FIG4: variants seen among roughly 807,000 people sequenced by gnomAD.
FIG4 encodes FIG4 phosphoinositide 5-phosphatase.
FIG4 carries 112 observed loss-of-function variants against 118.6 expected under a neutral mutation model. The ratio of observed to expected loss-of-function variants is 0.94; its 90% CI spans 0.81 to 1.11. The LOEUF is 1.11. Among genes scored for constraint, FIG4 ranks in the 50% least tolerant of loss-of-function variants. The pLI, the probability that FIG4 is intolerant of heterozygous loss-of-function variation, is 0.00. For missense variants in FIG4, 969 were observed against 1,111.7 expected, an observed-to-expected ratio of 0.87 and a Z score of 1.83; for synonymous variants, 369 against 381.2, an observed-to-expected ratio of 0.97 and a Z score of 0.37.
chr6:109,804,534 G>A (rs1163423488), intron 22 of FIG4, among the ~76,000 whole-genome samples: 2 of 152,118 alleles, frequency 1.3e-5, no homozygotes, highest in Non-Finnish European at 2.9e-5. Context: ...ACTGCCCTTT[G>A]CATGTTACTC....
In FIG4 at chr6:109,802,017, G is replaced by A. The variant is rs576143815; in HGVS notation, c.2546+5166G>A. Among the ~76,000 whole-genome samples the A allele has an allele frequency of 5.8e-4, 88 of 152,308 alleles. 1 individual carries two copies. The highest frequency in any genetic ancestry group is 2.1e-3 in the African/African-American group (86 of 41,572). ...TAGAGCAGCTTGGAGGCAGTGATCA[G>A]TGATTAATCAGCTAATTCCCTCCAC... On this transcript the variant is annotated intron_variant, in intron 22 of 22. Coordinates refer to ENST00000230124, the MANE Select transcript of FIG4 (RefSeq NM_014845.6).
chr6:109,803,731 T>C (rs550464538), intron 22 of FIG4, among the ~76,000 whole-genome samples: 44 of 152,036 alleles, frequency 2.9e-4, no homozygotes, highest in African/African-American at 1.1e-3. Flanking sequence ...GACTCATCAT[T>C]TACATTAGGT....
chr6:109,740,737 G>A (rs1245443453), intron 7 of FIG4, among the ~76,000 whole-genome samples: 1 of 152,014 alleles, frequency 6.6e-6, no homozygotes, highest in Non-Finnish European at 1.5e-5. Context: ...GTATGATCTT[G>A]GAAGACTAAG....
chr6:109,735,226 G>A lies in FIG4; in HGVS notation c.574G>A (p.Glu192Lys), dbSNP rs1239564078. Residue 192 changes from glutamate (E) to lysine (K), a missense_variant, in exon 6 of 23, where the codon GAA (glutamate) becomes AAA (lysine). This residue lies in a region of FIG4 where 393 missense variants were observed against 409.4 expected (regional missense o/e 0.96). Coordinates refer to ENST00000230124, the MANE Select transcript of FIG4 (RefSeq NM_014845.6). ...LRMPLEMLKS[E>K]MTQNRQESFD... is the part of the protein sequence containing the mutation. Reference sequence around the variant, plus strand: ...AATGCCCCTGGAGATGTTAAAGTCAGAAATGACCCAGAATCGCCAAGAGAG... The same window carrying A: ...AATGCCCCTGGAGATGTTAAAGTCAAAAATGACCCAGAATCGCCAAGAGAG... The A allele has an allele frequency of 6.2e-7, 1 of 1,613,320 alleles. No homozygotes were observed. Among genetic ancestry groups the A allele is most frequent in the Non-Finnish European group, 8.5e-7 (1 of 1,179,524 alleles).
intron 6 of FIG4, among the ~76,000 whole-genome samples, chr6:109,737,529 T>G (rs1474152051): frequency 6.6e-6 from 1 of 152,122 alleles, no homozygotes; most frequent in Non-Finnish European, 1.5e-5. Flanking sequence ...TGTGGTATAG[T>G]GTATAAACAA....
At position 109,743,655 on chromosome 6, in the gene FIG4, T is replaced by A. The variant is rs777992808; in HGVS notation, c.1040-20T>A. ...TTGCAATTTTCATTCAGGTGCTTTT[T>A]CATCTTTTTTCCTTCTCAGTGGATC... On this transcript the variant is annotated intron_variant, in intron 9 of 22. Transcript: ENST00000230124. 3.1e-6 allele frequency: 5 copies of A among 1,591,936 alleles called. No homozygotes were observed. The South Asian group carries it at 5.5e-5, about 18-fold the overall frequency.
At chr6:109,809,186 C>G (rs1778653661) in intron 22 of FIG4, among the ~76,000 whole-genome samples, 1 of 152,172 alleles carries the variant, frequency 6.6e-6, no homozygotes, top group South Asian at 2.1e-4. Flanking sequence ...CCACTTATCT[C>G]TGTGAGGCCA....
intron 4 of FIG4, among the ~76,000 whole-genome samples, chr6:109,727,961 G>A (rs752417736): frequency 6.6e-6 from 1 of 152,072 alleles, no homozygotes; most frequent in African/African-American, 2.4e-5. Flanking sequence ...GATTTTGGTC[G>A]GATTCTGGGT....
intron 1 of FIG4, among the ~76,000 whole-genome samples, chr6:109,713,601 A>G (rs1775336812): frequency 6.6e-6 from 1 of 152,156 alleles, no homozygotes; most frequent in African/African-American, 2.4e-5. Flanking sequence ...TGCACCCCCA[A>G]CTGCAGCAGT....
intron 22 of FIG4, among the ~76,000 whole-genome samples, chr6:109,813,734 T>C (rs1005995288): frequency 2.6e-5 from 4 of 152,128 alleles, no homozygotes; most frequent in African/African-American, 9.7e-5. Context: ...GCAGAAGTGA[T>C]AAGGTTGTGA....
At position 109,706,482 on chromosome 6, in the gene FIG4, C is replaced by T. The variant is rs140341999; in HGVS notation, c.67-8596C>T. Among the ~76,000 whole-genome samples, 185 of 152,288 alleles carry T rather than the reference C, an allele frequency of 1.2e-3. No homozygotes were observed. The South Asian group carries it at 0.016, about 13-fold the overall frequency. On this transcript the variant is annotated intron_variant, in intron 1 of 22. Transcript: ENST00000230124. Reference sequence around the variant, plus strand: ...TGTCAATTTGCATGCTCTTCTCTCCCGAGGACATAGACTGACTACTAACAG... The same window carrying T: ...TGTCAATTTGCATGCTCTTCTCTCCTGAGGACATAGACTGACTACTAACAG...
intron 10 of FIG4, among the ~76,000 whole-genome samples, chr6:109,756,405 A>G (rs1469660350): frequency 6.6e-6 from 1 of 151,710 alleles, no homozygotes; most frequent in South Asian, 2.1e-4. Context: ...GAATCTGACA[A>G]TTATGTGTCT....
intron 21 of FIG4, among the ~76,000 whole-genome samples, chr6:109,793,283 G>A (rs1778190195): frequency 6.6e-6 from 1 of 152,220 alleles, no homozygotes; most frequent in African/African-American, 2.4e-5. Flanking sequence ...ATTGACAAAT[G>A]AGGACCTTGC....
intron 15 of FIG4, among the ~76,000 whole-genome samples, chr6:109,776,257 T>C (rs1777616353): frequency 2.0e-5 from 3 of 152,168 alleles, no homozygotes; most frequent in African/African-American, 7.2e-5. Flanking sequence ...CTTCATAGTA[T>C]AGTTTAAAAG....
intron 1 of FIG4, among the ~76,000 whole-genome samples, chr6:109,692,033 A>C (rs143511647): frequency 6.6e-6 from 1 of 152,194 alleles, no homozygotes; most frequent in Non-Finnish European, 1.5e-5. Context: ...TTAAAGACAG[A>C]TAATTTGTTT....
At chr6:109,706,704 C>A (rs1236292524) in intron 1 of FIG4, among the ~76,000 whole-genome samples, 1 of 152,210 alleles carries the variant, frequency 6.6e-6, no homozygotes, top group East Asian at 1.9e-4. Flanking sequence ...CTGCTGTGGT[C>A]ACTGTGTTAG....
At chr6:109,792,771 G>A in intron 21 of FIG4, 107 bp downstream of exon 21, 1 of 647,240 alleles carries the variant, frequency 1.5e-6, no homozygotes, top group Non-Finnish European at 2.6e-6. Context: ...CAAGAGTCTT[G>A]CTCTGTTGCC....
chr6:109,764,792 C>G (rs1777230175), intron 13 of FIG4, among the ~76,000 whole-genome samples: 1 of 152,206 alleles, frequency 6.6e-6, no homozygotes, highest in African/African-American at 2.4e-5. Flanking sequence ...GGTGCTGTTA[C>G]AGCAATGTAT....
intron 1 of FIG4, among the ~76,000 whole-genome samples, chr6:109,699,953 C>T (rs1222922549): frequency 6.6e-6 from 1 of 152,144 alleles, no homozygotes; most frequent in East Asian, 1.9e-4. Flanking sequence ...TGGTGAGGAC[C>T]TGCTGTGTCC....
Sources: gnomAD v4.1 joint callset for allele counts (sites outside exome capture counted in the v4.1 genomes callset) on GRCh38, gnomAD v4.1.1 for gene constraint, gnomAD v4.1.1 regional missense constraint, MANE v1.5 for transcripts, NCBI Gene and HGNC (gene_info 2026-07-23, HGNC 2026-07-21) for gene names.